The following MAGI2 variants were observed in gnomAD, a reference collection of about 807,000 sequenced individuals.
The protein encoded by MAGI2 is membrane-associated guanylate kinase, WW and PDZ domain-containing protein 2.
MAGI2 carries 35 observed loss-of-function variants against 133.3 expected under a neutral mutation model. The ratio of observed to expected loss-of-function variants is 0.26; its 90% confidence interval spans 0.20 to 0.35. The LOEUF (loss-of-function observed/expected upper bound fraction) is 0.35. Among genes scored for constraint, MAGI2 ranks in the 10% least tolerant of loss-of-function variants. MAGI2 has a pLI of 1.00. For missense variants in MAGI2, 1,636 were observed against 1,863.4 expected (o/e 0.88, Z 2.25); for synonymous variants, 729 against 710.6 (o/e 1.03, Z -0.41).
intron 7 of MAGI2, among the ~76,000 whole-genome samples, chr7:78,364,269 A>G (rs1793148856): frequency 6.6e-6 from 1 of 152,164 alleles, no homozygotes; most frequent in African/African-American, 2.4e-5. Flanking sequence ...ACTTTTTATA[A>G]ACTTTAAAGT....
At chr7:78,540,359 G>A (rs1301613254) in intron 3 of MAGI2, among the ~76,000 whole-genome samples, 1 of 152,130 alleles carries the variant, frequency 6.6e-6, no homozygotes, top group Non-Finnish European at 1.5e-5. Flanking sequence ...CAGGAAAGTG[G>A]GAGAAAGCTG....
chr7:78,148,296 C>CTACA (rs1823519858), intron 16 of MAGI2, among the ~76,000 whole-genome samples: 1 of 152,126 alleles, frequency 6.6e-6, no homozygotes, highest in East Asian at 1.9e-4. Context: ...ACTGAAAAGG[C>CTACA]TACATGCTGT....
chr7:79,206,995 T>C (rs141963070), intron 1 of MAGI2, among the ~76,000 whole-genome samples: 27 of 151,998 alleles, frequency 1.8e-4, no homozygotes, highest in Non-Finnish European at 3.1e-4. Context: ...TGCCTTAAAA[T>C]TTGACAAAAT....
chr7:78,559,171 AAAAAGAAAAG>A (rs56343412), intron 3 of MAGI2, among the ~76,000 whole-genome samples: 47,575 of 107,138 alleles, frequency 0.44, 10,414 homozygotes, highest in Middle Eastern at 0.51. Flanking sequence ...AAAAAAAGCC[AAAAAGAAAAG>A]AAAAGAAAAG....
chr7:78,518,362 A>G (rs1796213431), intron 4 of MAGI2: 1 of 152,140 alleles, frequency 6.6e-6, no homozygotes, highest in South Asian at 2.1e-4. Context: ...ACACATATGG[A>G]TTGTGGACCA....
At chr7:78,956,257 T>G (rs1270854368) in intron 2 of MAGI2, among the ~76,000 whole-genome samples, 1 of 152,148 alleles carries the variant, frequency 6.6e-6, no homozygotes, top group Non-Finnish European at 1.5e-5. Context: ...TGTAAGTTTG[T>G]CTCATCATAT....
intron 10 of MAGI2, among the ~76,000 whole-genome samples, chr7:78,212,574 G>T (rs1052862659): frequency 1.3e-5 from 2 of 152,218 alleles, no homozygotes; most frequent in African/African-American, 4.8e-5. Context: ...TTTTAGCCCA[G>T]TGACATCTGT....
chr7:78,947,609 G>A (rs528925491), intron 2 of MAGI2, among the ~76,000 whole-genome samples: 15 of 152,004 alleles, frequency 9.9e-5, no homozygotes, highest in Non-Finnish European at 2.1e-4. Flanking sequence ...TATTAGTTAC[G>A]ATATGAATTC....
chr7:78,573,335 T>A (rs1197631561), intron 3 of MAGI2, among the ~76,000 whole-genome samples: 1 of 69,004 alleles, frequency 1.4e-5, no homozygotes, highest in African/African-American at 7.3e-5. Flanking sequence ...TATATATAAA[T>A]ATATATATAT....
intron 3 of MAGI2, chr7:78,616,579 A>T (rs1807121990): frequency 6.6e-6 from 1 of 151,894 alleles, no homozygotes; most frequent in Non-Finnish European, 1.5e-5. Flanking sequence ...TAAGAACTAC[A>T]TCCCAGATAA....
At chr7:79,005,872 G>A (rs1159864081) in intron 2 of MAGI2, among the ~76,000 whole-genome samples, 1 of 152,122 alleles carries the variant, frequency 6.6e-6, no homozygotes, top group Non-Finnish European at 1.5e-5. Context: ...GGGTCCAAAA[G>A]CCTATTCACT....
At chr7:78,268,849 A>C (rs890352385) in intron 9 of MAGI2, among the ~76,000 whole-genome samples, 1 of 152,138 alleles carries the variant, frequency 6.6e-6, no homozygotes, top group Admixed American at 6.5e-5. Context: ...GGTTTGTTAC[A>C]TAGGTATACA....
chr7:79,113,517 G>T (rs890675958), intron 1 of MAGI2, among the ~76,000 whole-genome samples: 1 of 152,320 alleles, frequency 6.6e-6, no homozygotes, highest in East Asian at 1.9e-4. Flanking sequence ...CAGATGCAAA[G>T]TGATCAGTCA....
chr7:78,703,403 T>C (rs1429202947), intron 2 of MAGI2, among the ~76,000 whole-genome samples: 3 of 152,046 alleles, frequency 2.0e-5, no homozygotes, highest in Non-Finnish European at 2.9e-5. Context: ...ATATTAATGG[T>C]GCAGGTTTTG....
intron 3 of MAGI2, among the ~76,000 whole-genome samples, chr7:78,569,460 T>C (rs1455697844): frequency 6.6e-6 from 1 of 152,212 alleles, no homozygotes; most frequent in African/African-American, 2.4e-5. Context: ...CATCTCTAGC[T>C]TCAAAATGCA....
intron 10 of MAGI2, among the ~76,000 whole-genome samples, chr7:78,236,291 T>C (rs1007801309): frequency 2.0e-5 from 3 of 152,136 alleles, no homozygotes; most frequent in Admixed American, 1.3e-4. Context: ...AATCGAATGA[T>C]GATAGGTTGC....
rs2150586115 is a variant in MAGI2, at chr7:78,521,623, C to T, written c.561G>A (p.Lys187=). The T allele has an allele frequency of 1.9e-6, 3 of 1,614,088 alleles. No homozygotes were observed. The highest frequency in any genetic ancestry group is 1.7e-6 in the Non-Finnish European group (2 of 1,180,008). ...TYEDNYYGTP[K]PPAEPAPLLL... is the part of the protein sequence containing the mutation. ...ATAATGGTGCTGGTTCTGCTGGCGG[C>T]TTTGGGGTACCGTAGTAATTGTCTG... The change falls in exon 4 of 22, where the codon AAG becomes AAA. Residue 187 remains lysine (K), a synonymous_variant. Transcript: ENST00000354212.
intron 6 of MAGI2, among the ~76,000 whole-genome samples, chr7:78,460,995 C>CT (rs1478896095): frequency 1.3e-5 from 2 of 151,850 alleles, no homozygotes; most frequent in Non-Finnish European, 2.9e-5. Context: ...TTTAAAAAAT[C>CT]TTTCCTGGCC....
intron 1 of MAGI2, among the ~76,000 whole-genome samples, chr7:79,063,937 A>G (rs981229781): frequency 2.0e-5 from 3 of 152,106 alleles, no homozygotes; most frequent in African/African-American, 7.2e-5. Flanking sequence ...AATCTAGCTT[A>G]ATTTTTGAAT....
Sources: allele counts gnomAD v4.1 joint callset (sites outside exome capture counted in the v4.1 genomes callset), GRCh38; gene constraint gnomAD v4.1.1; transcripts MANE v1.5; gene names NCBI Gene and HGNC (gene_info 2026-07-23, HGNC 2026-07-21).